Variants in PDSS2 observed in about 807,000 individuals in gnomAD.
PDSS2 encodes all trans-polyprenyl-diphosphate synthase PDSS2.
A neutral mutation model predicts 44.5 loss-of-function variants in PDSS2; 31 were observed. The ratio of observed to expected loss-of-function variants is 0.70; its 90% CI spans 0.52 to 0.94. PDSS2 has a LOEUF of 0.94. Among genes scored for constraint, PDSS2 ranks in the 40% least tolerant of loss-of-function variants. PDSS2 has a pLI of 0.00. For missense variants in PDSS2, 452 were observed against 482.2 expected, an observed-to-expected ratio of 0.94 and a Z score of 0.59; for synonymous variants, 157 against 180.3, an observed-to-expected ratio of 0.87 and a Z score of 1.03.
intron 7 of PDSS2, among the ~76,000 whole-genome samples, chr6:107,158,442 C>T (rs1028331201): frequency 6.6e-6 from 1 of 152,254 alleles, no homozygotes; most frequent in African/African-American, 2.4e-5. Flanking sequence ...ACCTCAGCCT[C>T]CCAAAGTGCT....
At position 107,210,574 on chromosome 6, in the gene PDSS2, C is replaced by G; in HGVS notation, c.877-4G>C. On this transcript the variant is annotated splice_region_variant and splice_polypyrimidine_tract_variant and intron_variant, in intron 5 of 7. Coordinates refer to ENST00000369037, the MANE Select transcript of PDSS2 (RefSeq NM_020381.4). Reference sequence around the variant, plus strand: ...AAGGCTGGACATCAGAATTTATCTACAAGAAGCAATTAAATGAGTAAATTA... The same window carrying G: ...AAGGCTGGACATCAGAATTTATCTAGAAGAAGCAATTAAATGAGTAAATTA... 6.3e-7 allele frequency: 1 copy of G among 1,581,270 alleles called. No homozygotes were observed. Among genetic ancestry groups the G allele is most frequent in the Non-Finnish European group, 8.7e-7 (1 of 1,150,600 alleles).
At chr6:107,454,678 T>C (rs1781979109) in intron 1 of PDSS2, among the ~76,000 whole-genome samples, 2 of 151,970 alleles carry the variant, frequency 1.3e-5, no homozygotes, top group Non-Finnish European at 2.9e-5. Flanking sequence ...AAGTCACCAT[T>C]CACGTAAACT....
chr6:107,285,428 T>G (rs138200712), intron 2 of PDSS2, among the ~76,000 whole-genome samples: 1 of 152,016 alleles, frequency 6.6e-6, no homozygotes, highest in African/African-American at 2.4e-5. Flanking sequence ...GAGGATTGCT[T>G]CAGCCCAGGA....
At chr6:107,427,810 T>TA (rs1042218778) in intron 1 of PDSS2, among the ~76,000 whole-genome samples, 2 of 151,990 alleles carry the variant, frequency 1.3e-5, no homozygotes, top group African/African-American at 4.8e-5. Context: ...ATTGTTACTT[T>TA]AAAAAAAATG....
At chr6:107,263,566 C>T (rs1775317749) in intron 3 of PDSS2, among the ~76,000 whole-genome samples, 1 of 152,160 alleles carries the variant, frequency 6.6e-6, no homozygotes, top group African/African-American at 2.4e-5. Flanking sequence ...GTCAATTTCA[C>T]CTGATGGCAT....
At chr6:107,381,936 G>A (rs1779466928) in intron 1 of PDSS2, among the ~76,000 whole-genome samples, 1 of 152,150 alleles carries the variant, frequency 6.6e-6, no homozygotes, top group South Asian at 2.1e-4. Flanking sequence ...AAGGAAGATA[G>A]CAGAGAACTT....
At chr6:107,327,501 A>C (rs1328783830) in intron 2 of PDSS2, among the ~76,000 whole-genome samples, 1 of 152,280 alleles carries the variant, frequency 6.6e-6, no homozygotes, top group Non-Finnish European at 1.5e-5. Context: ...AGGGCCAGGC[A>C]GGCTGGGGTG....
intron 1 of PDSS2, among the ~76,000 whole-genome samples, chr6:107,449,915 A>G (rs969385233): frequency 5.9e-5 from 9 of 152,144 alleles, no homozygotes; most frequent in African/African-American, 2.2e-4. Flanking sequence ...GGTAATATAT[A>G]CCACATTTTG....
At chr6:107,195,647 C>T (rs915579753) in intron 6 of PDSS2, among the ~76,000 whole-genome samples, 1 of 151,354 alleles carries the variant, frequency 6.6e-6, no homozygotes, top group Non-Finnish European at 1.5e-5. Flanking sequence ...GCAAACTCCC[C>T]CTCCAAGGTT....
chr6:107,283,425 A>T (rs934357252), intron 2 of PDSS2, among the ~76,000 whole-genome samples: 1 of 152,156 alleles, frequency 6.6e-6, no homozygotes, highest in Admixed American at 6.6e-5. Flanking sequence ...TGATGTTAAA[A>T]TAGGAGAAGA....
At chr6:107,422,387 C>A (rs1780854742) in intron 1 of PDSS2, among the ~76,000 whole-genome samples, 1 of 151,954 alleles carries the variant, frequency 6.6e-6, no homozygotes, top group African/African-American at 2.4e-5. Context: ...CTCCCATATA[C>A]CATGGACAGA....
At chr6:107,286,748 A>T (rs1000289768) in intron 2 of PDSS2, among the ~76,000 whole-genome samples, 5 of 151,938 alleles carry the variant, frequency 3.3e-5, no homozygotes, top group African/African-American at 1.2e-4. Context: ...CCTCACTAAT[A>T]ATTTAGAAAA....
chr6:107,282,632 G>C (rs551975764), intron 2 of PDSS2, among the ~76,000 whole-genome samples: 1 of 151,618 alleles, frequency 6.6e-6, no homozygotes, highest in South Asian at 2.1e-4. Flanking sequence ...TTGGGAGGCC[G>C]AGGCGGGTGG....
chr6:107,294,473 C>A (rs1295179773), intron 2 of PDSS2, among the ~76,000 whole-genome samples: 1 of 151,850 alleles, frequency 6.6e-6, no homozygotes, highest in Non-Finnish European at 1.5e-5. Flanking sequence ...TCTTAAACTG[C>A]TGGCCTCAAG....
At chr6:107,344,379 AC>A (rs1778173073) in intron 1 of PDSS2, among the ~76,000 whole-genome samples, 1 of 151,726 alleles carries the variant, frequency 6.6e-6, no homozygotes, top group African/African-American at 2.4e-5. Context: ...GGAAAAAATG[AC>A]CCAAAATGTA....
At chr6:107,431,133 T>G (rs750042723) in intron 1 of PDSS2, among the ~76,000 whole-genome samples, 3 of 152,238 alleles carry the variant, frequency 2.0e-5, no homozygotes, top group Non-Finnish European at 4.4e-5. Context: ...GTAGTTAACT[T>G]GCTCAAATAG....
chr6:107,276,124 G>GAAAA (rs1775774129), intron 2 of PDSS2, among the ~76,000 whole-genome samples: 10 of 12,712 alleles, frequency 7.9e-4, no homozygotes, highest in Admixed American at 1.9e-3. Context: ...CAAAAAAAAG[G>GAAAA]AAAGAAAAGA....
intron 4 of PDSS2, among the ~76,000 whole-genome samples, chr6:107,232,901 G>A (rs1193290310): frequency 6.6e-6 from 1 of 151,446 alleles, no homozygotes; most frequent in East Asian, 1.9e-4. Flanking sequence ...GTGCAGTGGC[G>A]CGATCTCTAT....
chr6:107,283,952 G>A (rs182113329), intron 2 of PDSS2, among the ~76,000 whole-genome samples: 65 of 151,958 alleles, frequency 4.3e-4, no homozygotes, highest in African/African-American at 1.5e-3. Context: ...CTTCAATCCA[G>A]GAGGTGGAGG....
Sources: allele counts gnomAD v4.1 joint callset (sites outside exome capture counted in the v4.1 genomes callset), GRCh38; gene constraint gnomAD v4.1.1; transcripts MANE v1.5; gene names NCBI Gene and HGNC (gene_info 2026-07-23, HGNC 2026-07-21).